The following HYAL4 variants were observed in gnomAD, a reference collection of about 807,000 sequenced individuals.
The protein encoded by HYAL4 is hyaluronidase-4.
Under a neutral mutation model 35.2 loss-of-function variants are expected in HYAL4, and 37 were observed. The observed-to-expected ratio is 1.05, with a 90% CI of 0.81 to 1.38. The LOEUF (loss-of-function observed/expected upper bound fraction) is 1.38. Among genes scored for constraint, HYAL4 ranks in the 40% most tolerant of loss-of-function variants. The pLI is 0.00. For missense variants in HYAL4, 572 were observed against 572.4 expected (o/e 1.00, Z 0.01); for synonymous variants, 198 against 203.2 (o/e 0.97, Z 0.22).
chr7:123,833,765 T>C lies in HYAL4; in HGVS notation c.-257+4641T>C, dbSNP rs556963729. ...TCATCTTGAGTTGATTTTTGTATAA[T>C]GTGAGGGATGAGGGTACAGTTTTAT... On this transcript the variant is annotated intron_variant, in intron 1 of 4. Coordinates refer to the HYAL4 transcript ENST00000489978. Among the ~76,000 whole-genome samples, 23 of 152,254 alleles carry C rather than the reference T, an allele frequency of 1.5e-4. No individual in the cohort carries two copies. In the East Asian group the frequency reaches 3.9e-3, roughly 26 times the overall value.
At chr7:123,874,005 A>G (rs1806946417) in intron 3 of HYAL4, among the ~76,000 whole-genome samples, 1 of 152,176 alleles carries the variant, frequency 6.6e-6, no homozygotes, top group Admixed American at 6.5e-5. Flanking sequence ...TGAAATGACT[A>G]TGGGGATGAA....
At chr7:123,824,147 T>C (rs1178957224), upstream of HYAL4, among the ~76,000 whole-genome samples, 2 of 152,212 alleles carry the variant, frequency 1.3e-5, no homozygotes, top group African/African-American at 4.8e-5. Context: ...GATCAAGTAA[T>C]TGACTTTTCA....
the HYAL4 span, among the ~76,000 whole-genome samples, chr7:123,770,969 A>G: frequency 1.3e-5 from 2 of 152,138 alleles, no homozygotes; most frequent in African/African-American, 4.8e-5. Context: ...AGAGCTTGGT[A>G]ATTTATTGGA....
chr7:123,792,991 C>T, the HYAL4 span, among the ~76,000 whole-genome samples: 1 of 152,174 alleles, frequency 6.6e-6, no homozygotes, highest in Non-Finnish European at 1.5e-5. Context: ...GGATCCCAGT[C>T]CCCTAGACTG....
At chr7:123,857,813 G>T (rs1409028893) in intron 2 of HYAL4, among the ~76,000 whole-genome samples, 1 of 151,644 alleles carries the variant, frequency 6.6e-6, no homozygotes, top group African/African-American at 2.4e-5. Context: ...CAGGCTGATT[G>T]GCACAATTCA....
At chr7:123,794,657 C>T in the HYAL4 span, among the ~76,000 whole-genome samples, 6 of 152,332 alleles carry the variant, frequency 3.9e-5, no homozygotes, top group African/African-American at 1.4e-4. Flanking sequence ...CCTGTGGGTG[C>T]GCAGAAGTCA....
the HYAL4 span, among the ~76,000 whole-genome samples, chr7:123,820,759 TTATC>T: frequency 1.3e-5 from 2 of 152,312 alleles, no homozygotes; most frequent in South Asian, 4.1e-4. Flanking sequence ...TCGGACTTAT[TTATC>T]TAGCATAACT....
the HYAL4 span, among the ~76,000 whole-genome samples, chr7:123,795,914 C>G: frequency 6.6e-5 from 10 of 152,272 alleles, no homozygotes; most frequent in African/African-American, 2.2e-4. Flanking sequence ...AAGATTCTTA[C>G]CCCAATGGAG....
chr7:123,788,518 C>G, the HYAL4 span, among the ~76,000 whole-genome samples: 4 of 152,120 alleles, frequency 2.6e-5, no homozygotes, highest in African/African-American at 9.7e-5. Flanking sequence ...TAAAATAGAT[C>G]TCAGCTCTGC....
chr7:123,819,314 A>G, the HYAL4 span: 2 of 152,606 alleles, frequency 1.3e-5, no homozygotes, highest in African/African-American at 4.8e-5. Flanking sequence ...CTTGGTGGAA[A>G]CTACTCCTGA....
chr7:123,858,746 T>C (rs1387279411), intron 2 of HYAL4, among the ~76,000 whole-genome samples: 4 of 152,190 alleles, frequency 2.6e-5, no homozygotes, highest in African/African-American at 9.6e-5. Flanking sequence ...AAAGACAGTA[T>C]TGTGATATTC....
At chr7:123,768,185 A>G in the HYAL4 span, among the ~76,000 whole-genome samples, 50 of 152,234 alleles carry the variant, frequency 3.3e-4, no homozygotes, top group African/African-American at 1.0e-3. Flanking sequence ...ATCCAGAATC[A>G]TAGGTGCTAT....
chr7:123,788,128 G>T, the HYAL4 span, among the ~76,000 whole-genome samples: 4 of 152,084 alleles, frequency 2.6e-5, no homozygotes, highest in African/African-American at 9.7e-5. Context: ...GACTAGCCTG[G>T]GCAACACAGT....
chr7:123,871,635 C>T (rs1806885973), intron 3 of HYAL4, among the ~76,000 whole-genome samples: 2 of 152,144 alleles, frequency 1.3e-5, no homozygotes, highest in Admixed American at 1.3e-4. Flanking sequence ...AAAAGATTCA[C>T]TAGTAAGTAG....
chr7:123,836,663 T>C (rs1320582195), intron 1 of HYAL4, among the ~76,000 whole-genome samples: 3 of 152,172 alleles, frequency 2.0e-5, no homozygotes. Flanking sequence ...AATGTCTTTT[T>C]GTTTTATAGG....
At chr7:123,810,374 T>A in the HYAL4 span, among the ~76,000 whole-genome samples, 1 of 152,340 alleles carries the variant, frequency 6.6e-6, no homozygotes, top group East Asian at 1.9e-4. Flanking sequence ...TTGGTGTAAT[T>A]ACCATAATAT....
the HYAL4 span, among the ~76,000 whole-genome samples, chr7:123,763,956 C>T: frequency 6.6e-6 from 1 of 152,190 alleles, no homozygotes; most frequent in Non-Finnish European, 1.5e-5. Flanking sequence ...CCCAGTGTGT[C>T]TCTCAGGCAA....
At chr7:123,857,669 GTTTC>G (rs200221721) in intron 2 of HYAL4, among the ~76,000 whole-genome samples, 16,686 of 124,200 alleles carry the variant, frequency 0.13, 1,204 homozygotes, top group African/African-American at 0.15. Context: ...TTCTTTGTTT[GTTTC>G]TTTCTTTCTT....
chr7:123,824,454 A>G (rs539759155), upstream of HYAL4, among the ~76,000 whole-genome samples: 1 of 152,236 alleles, frequency 6.6e-6, no homozygotes, highest in South Asian at 2.1e-4. Context: ...TAATGACATT[A>G]GTAATTATCT....
Sources: gnomAD v4.1 joint callset for allele counts (sites outside exome capture counted in the v4.1 genomes callset) on GRCh38, gnomAD v4.1.1 for gene constraint, MANE v1.5 for transcripts, NCBI Gene and HGNC (gene_info 2026-07-23, HGNC 2026-07-21) for gene names.